Variants in PROS1 observed in about 807,000 individuals in gnomAD.
The protein encoded by PROS1 is vitamin K-dependent protein S.
A neutral mutation model predicts 75.9 loss-of-function variants in PROS1; 29 were observed. That is an observed-to-expected ratio of 0.38 (90% CI 0.28 to 0.52). PROS1 has a LOEUF of 0.52. Ranked by LOEUF, PROS1 falls within the 20% of genes least tolerant of loss-of-function variation. The pLI, the probability that PROS1 is intolerant of heterozygous loss-of-function variation, is 0.83. For synonymous variants in PROS1, 245 were observed against 280.6 expected, an observed-to-expected ratio of 0.87 and a Z score of 1.27; for missense variants, 680 against 810.3, an observed-to-expected ratio of 0.84 and a Z score of 1.95.
In PROS1 at chr3:93,910,629, G is replaced by A; in HGVS notation, c.336C>T (p.Ser112=). The A allele has an allele frequency of 6.2e-7, 1 of 1,612,398 alleles. No homozygotes were observed. Among genetic ancestry groups the A allele is most frequent in the Non-Finnish European group, 8.5e-7 (1 of 1,178,596 alleles). Residue 112 remains serine, a synonymous_variant, in exon 4 of 15, where the codon AGC becomes AGT. Transcript: ENST00000394236. The part of the protein sequence containing the change: ...QSTNAYPDLR[S]CVNAIPDQCS... ...GGTAGAAGTGCTTACCATTGACACA[G>A]CTTCTTAGGTCAGGATAAGCATTAG... is the stretch of plus-strand genomic sequence containing the variant.
chr3:93,964,641 G>A (rs1257086620), intron 1 of PROS1, among the ~76,000 whole-genome samples: 1 of 152,128 alleles, frequency 6.6e-6, no homozygotes, highest in Non-Finnish European at 1.5e-5. Context: ...TTTGCCCTTT[G>A]CCTTGTGATC....
intron 3 of PROS1, among the ~76,000 whole-genome samples, chr3:93,911,827 G>A (rs1708763262): frequency 6.6e-6 from 1 of 152,244 alleles, no homozygotes; most frequent in East Asian, 1.9e-4. Flanking sequence ...TTGATCAAAG[G>A]GGTCCCAGGG....
chr3:93,930,802 A>C (rs1709095149), intron 1 of PROS1, among the ~76,000 whole-genome samples: 1 of 152,226 alleles, frequency 6.6e-6, no homozygotes, highest in South Asian at 2.1e-4. Context: ...TTTTTCCATA[A>C]TTGTAAAGTG....
At chr3:93,925,560 G>A (rs1709003842) in intron 2 of PROS1, among the ~76,000 whole-genome samples, 1 of 151,924 alleles carries the variant, frequency 6.6e-6, no homozygotes, top group Non-Finnish European at 1.5e-5. Flanking sequence ...TGGGGCAGAG[G>A]GATCACTGTG....
intron 1 of PROS1, among the ~76,000 whole-genome samples, chr3:93,940,639 T>C (rs187344406): frequency 6.6e-6 from 1 of 152,134 alleles, no homozygotes; most frequent in Admixed American, 6.5e-5. Context: ...CAAAGCCTCC[T>C]TCACATCTTC....
chr3:93,897,321 T>C (rs1336203080), intron 8 of PROS1, among the ~76,000 whole-genome samples: 1 of 151,788 alleles, frequency 6.6e-6, no homozygotes, highest in Non-Finnish European at 1.5e-5. Flanking sequence ...AAAACAAACA[T>C]TAAAATGAAA....
chr3:93,923,439 G>A (rs1708971879), intron 3 of PROS1, among the ~76,000 whole-genome samples: 1 of 151,846 alleles, frequency 6.6e-6, no homozygotes, highest in South Asian at 2.1e-4. Context: ...GCCAAATATT[G>A]TCTATTTTTA....
chr3:93,951,857 C>A (rs1228165557), intron 1 of PROS1, among the ~76,000 whole-genome samples: 5 of 152,100 alleles, frequency 3.3e-5, no homozygotes, highest in African/African-American at 1.2e-4. Context: ...CACAGACACA[C>A]ATAGGCTCAA....
At chr3:93,918,107 A>G (rs1708887372) in intron 3 of PROS1, among the ~76,000 whole-genome samples, 1 of 152,098 alleles carries the variant, frequency 6.6e-6, no homozygotes, top group Non-Finnish European at 1.5e-5. Context: ...AAACGCACCA[A>G]TCCGCACTCT....
intron 3 of PROS1, among the ~76,000 whole-genome samples, chr3:93,919,619 A>G (rs1708916010): frequency 1.3e-5 from 2 of 152,056 alleles, no homozygotes; most frequent in Non-Finnish European, 1.5e-5. Flanking sequence ...TTATAATCCA[A>G]TTTATTATTT....
At chr3:93,946,535 G>T (rs556316853) in intron 1 of PROS1, among the ~76,000 whole-genome samples, 17 of 152,186 alleles carry the variant, frequency 1.1e-4, no homozygotes, top group Non-Finnish European at 1.2e-4. Context: ...TGACAAACCT[G>T]ACAAAAACAA....
chr3:93,900,297 T>G (rs1298281733), intron 7 of PROS1, among the ~76,000 whole-genome samples: 2 of 152,228 alleles, frequency 1.3e-5, no homozygotes, highest in Non-Finnish European at 2.9e-5. Context: ...ATTGTTATCA[T>G]TTCTTTATCA....
chr3:93,906,233 G>T, intron 4 of PROS1, 90 bp from the exon 5 acceptor site: 1 of 1,398,620 alleles, frequency 7.1e-7, no homozygotes, highest in Non-Finnish European at 9.8e-7. Context: ...CTGAAGCCTA[G>T]AACCAATGAA....
At chr3:93,922,380 G>A (rs935013574) in intron 3 of PROS1, among the ~76,000 whole-genome samples, 8 of 152,050 alleles carry the variant, frequency 5.3e-5, no homozygotes, top group African/African-American at 1.9e-4. Context: ...ACTCTATTAG[G>A]TGATACTAGG....
intron 1 of PROS1, among the ~76,000 whole-genome samples, chr3:93,968,433 C>A (rs1207243839): frequency 3.3e-5 from 5 of 152,176 alleles, no homozygotes; most frequent in African/African-American, 1.2e-4. Flanking sequence ...AAGAAACCAA[C>A]CTTCCTGATA....
At chr3:93,968,743 TA>T (rs8178586) in intron 1 of PROS1, among the ~76,000 whole-genome samples, 12,138 of 152,006 alleles carry the variant, frequency 0.08, 593 homozygotes, top group Middle Eastern at 0.19. Flanking sequence ...AATAAAGAAA[TA>T]AAAATCAGAG....
At chr3:93,920,321 A>T (rs1708928304) in intron 3 of PROS1, among the ~76,000 whole-genome samples, 1 of 152,188 alleles carries the variant, frequency 6.6e-6, no homozygotes. Context: ...ATCATGAAAT[A>T]TCTTTCCATG....
chr3:93,897,063 T>A (rs1195643767), intron 8 of PROS1, among the ~76,000 whole-genome samples: 1 of 152,136 alleles, frequency 6.6e-6, no homozygotes. Context: ...GTCTGAAAAT[T>A]ATTTTTATTT....
chr3:93,940,391 G>A (rs1709265182), intron 1 of PROS1, among the ~76,000 whole-genome samples: 1 of 152,070 alleles, frequency 6.6e-6, no homozygotes. Context: ...TCAATATGGA[G>A]GCTACCCACT....
Sources: gnomAD v4.1 joint callset for allele counts (sites outside exome capture counted in the v4.1 genomes callset) on GRCh38, gnomAD v4.1.1 for gene constraint, MANE v1.5 for transcripts, NCBI Gene and HGNC (gene_info 2026-07-23, HGNC 2026-07-21) for gene names.